The following PDE1A variants were observed in gnomAD, a reference collection of about 807,000 sequenced individuals.
The protein encoded by PDE1A is phosphodiesterase 1A, also known as dual specificity calcium/calmodulin-dependent 3',5'-cyclic nucleotide phosphodiesterase 1A.
In PDE1A, 35 loss-of-function variants were observed where a neutral mutation model predicts 61.7. That is an observed-to-expected ratio of 0.57 (90% CI 0.43 to 0.75). PDE1A has a LOEUF of 0.75. Ranked by LOEUF, PDE1A falls within the 30% of genes least tolerant of loss-of-function variation. PDE1A has a pLI of 0.00. For missense variants in PDE1A, 597 were observed against 630.6 expected (o/e 0.95, Z 0.57); for synonymous variants, 232 against 213.2 (o/e 1.09, Z -0.77).
the PDE1A span, among the ~76,000 whole-genome samples, chr2:182,698,964 G>A: frequency 2.6e-5 from 4 of 152,144 alleles, no homozygotes; most frequent in Admixed American, 6.5e-5. Context: ...CCAAGGAATG[G>A]CTACAGACAC....
chr2:182,429,941 C>G (rs1054574287), upstream of PDE1A, among the ~76,000 whole-genome samples: 1 of 152,114 alleles, frequency 6.6e-6, no homozygotes, highest in Non-Finnish European at 1.5e-5. Flanking sequence ...TCAAATAGGA[C>G]GTGAGACCAC....
At chr2:182,303,282 T>G (rs1005071198) in intron 1 of PDE1A, among the ~76,000 whole-genome samples, 2 of 152,190 alleles carry the variant, frequency 1.3e-5, no homozygotes, top group Non-Finnish European at 2.9e-5. Context: ...AAAGTCAAAA[T>G]TACTCCTTGA....
At chr2:182,206,236 A>T (rs183431632) in intron 7 of PDE1A, among the ~76,000 whole-genome samples, 171 bp from the exon 8 acceptor site, 4,160 of 152,306 alleles carry the variant, frequency 0.027, 95 homozygotes, top group Middle Eastern at 0.044. Context: ...ATATTTTAAA[A>T]TTTTATATAA....
chr2:182,547,487 C>T, the PDE1A span, among the ~76,000 whole-genome samples: 21 of 152,278 alleles, frequency 1.4e-4, no homozygotes, highest in African/African-American at 4.8e-4. Context: ...AATTAATCAA[C>T]GACATCAGAA....
chr2:182,258,872 G>C (rs922607372), intron 2 of PDE1A, among the ~76,000 whole-genome samples: 1 of 152,006 alleles, frequency 6.6e-6, no homozygotes, highest in African/African-American at 2.4e-5. Flanking sequence ...CTGTTGCTTG[G>C]GTCTCTCTCT....
the PDE1A span, among the ~76,000 whole-genome samples, chr2:182,685,762 C>T: frequency 6.6e-6 from 1 of 152,232 alleles, no homozygotes; most frequent in East Asian, 1.9e-4. Flanking sequence ...ATCAGCAAAA[C>T]TGATCAAAGT....
At chr2:182,700,066 C>T in the PDE1A span, among the ~76,000 whole-genome samples, 1 of 152,290 alleles carries the variant, frequency 6.6e-6, no homozygotes, top group Admixed American at 6.5e-5. Context: ...GAAAATGATT[C>T]TAATGAGGAA....
chr2:182,613,686 A>G, the PDE1A span, among the ~76,000 whole-genome samples: 3 of 152,218 alleles, frequency 2.0e-5, no homozygotes, highest in Non-Finnish European at 2.9e-5. Flanking sequence ...AGTTATTAAG[A>G]TATTTTGAAT....
At chr2:182,654,111 T>C in the PDE1A span, among the ~76,000 whole-genome samples, 5 of 152,110 alleles carry the variant, frequency 3.3e-5, no homozygotes, top group African/African-American at 7.2e-5. Context: ...TAAAAGTGAA[T>C]TAATTATGAA....
chr2:182,310,883 T>C (rs1695921582), intron 1 of PDE1A, among the ~76,000 whole-genome samples: 1 of 152,126 alleles, frequency 6.6e-6, no homozygotes, highest in African/African-American at 2.4e-5. Flanking sequence ...GCCAATAGAG[T>C]GCAGGCAGAA....
intron 1 of PDE1A, among the ~76,000 whole-genome samples, chr2:182,271,833 A>T (rs931396431): frequency 6.6e-6 from 1 of 152,174 alleles, no homozygotes; most frequent in African/African-American, 2.4e-5. Flanking sequence ...CTCACCACTG[A>T]AACATTAATA....
At chr2:182,611,669 T>C in the PDE1A span, among the ~76,000 whole-genome samples, 1 of 152,128 alleles carries the variant, frequency 6.6e-6, no homozygotes, top group Non-Finnish European at 1.5e-5. Context: ...ACGGTGCTTT[T>C]ACAGCATTCT....
At chr2:182,359,466 AT>A (rs1324245216) in intron 1 of PDE1A, among the ~76,000 whole-genome samples, 2 of 152,144 alleles carry the variant, frequency 1.3e-5, no homozygotes, top group Non-Finnish European at 2.9e-5. Flanking sequence ...CACATCAATG[AT>A]TTACGTAAAT....
At chr2:182,179,559 A>T (rs571749436) in intron 13 of PDE1A, among the ~76,000 whole-genome samples, 31 of 152,276 alleles carry the variant, frequency 2.0e-4, no homozygotes, top group African/African-American at 7.0e-4. Flanking sequence ...TGATTAGAGA[A>T]GGCATAGAGA....
At chr2:182,398,676 C>T (rs1701837888) in intron 1 of PDE1A, among the ~76,000 whole-genome samples, 1 of 152,014 alleles carries the variant, frequency 6.6e-6, no homozygotes, top group Non-Finnish European at 1.5e-5. Context: ...CAAGTGACTA[C>T]TTATATATTA....
At chr2:182,267,145 G>T (rs1472143751) in intron 1 of PDE1A, among the ~76,000 whole-genome samples, 1 of 151,964 alleles carries the variant, frequency 6.6e-6, no homozygotes, top group Non-Finnish European at 1.5e-5. Flanking sequence ...TTGTTCCTAG[G>T]GGATTCATCC....
At chr2:182,237,850 A>C (rs1690156149) in intron 3 of PDE1A, among the ~76,000 whole-genome samples, 1 of 152,178 alleles carries the variant, frequency 6.6e-6, no homozygotes, top group African/African-American at 2.4e-5. Context: ...CTTGAAATTG[A>C]AATCAGGCTG....
At chr2:182,214,796 A>T (rs1332137616) in intron 7 of PDE1A, among the ~76,000 whole-genome samples, 3 of 117,672 alleles carry the variant, frequency 2.5e-5, no homozygotes, top group African/African-American at 1.0e-4. Context: ...AGAGACTTAG[A>T]CTCCCACACA....
Position 182,343,745 on chromosome 2 carries a change from A to G in PDE1A, c.54-79331T>C, listed in dbSNP as rs76044818. Among the ~76,000 whole-genome samples, 1,271 of 152,298 alleles carry G rather than the reference A, an allele frequency of 8.3e-3. 13 individuals carry two copies. Among genetic ancestry groups the G allele is most frequent in the African/African-American group, 0.029 (1,222 of 41,558 alleles). ...TGATTTCTTATATTTAGTAATTAAG[A>G]TATTAAATGTTTTATCTCTGGCAAG... On this transcript the variant is annotated intron_variant, in intron 1 of 13. Transcript: ENST00000351439.
Sources: gnomAD v4.1 joint callset for allele counts (sites outside exome capture counted in the v4.1 genomes callset) on GRCh38, gnomAD v4.1.1 for gene constraint, MANE v1.5 for transcripts, NCBI Gene and HGNC (gene_info 2026-07-23, HGNC 2026-07-21) for gene names.